Variants in GSDME observed in about 807,000 individuals in gnomAD.
GSDME encodes the protein gasdermin E, also known as gasdermin-E.
GSDME carries 44 observed loss-of-function variants against 47.5 expected under a neutral mutation model. The observed-to-expected ratio is 0.93, with a 90% CI of 0.73 to 1.19. The LOEUF is 1.19. Ranked by LOEUF, GSDME falls within the 50% of genes most tolerant of loss-of-function variation. The pLI is 0.00. For synonymous variants in GSDME, 258 were observed against 252.8 expected (o/e 1.02, Z -0.20); for missense variants, 663 against 604.2 (o/e 1.10, Z -1.02).
At position 24,706,344 on chromosome 7, in the gene GSDME, T is replaced by G; in HGVS notation, c.1023A>C (p.Thr341=). The change falls in exon 8 of 10, where the codon ACA becomes ACC. Residue 341 remains threonine, a synonymous_variant. Coordinates refer to ENST00000645220, the MANE Select transcript of GSDME (RefSeq NM_001127453.2). ...GCTTCAGCTCCCCCAGCACCGCCACTGTGGGCGAGAGGCCGCTGACCAGGT... is the reference window on the plus strand; with the variant it reads ...GCTTCAGCTCCCCCAGCACCGCCACGGTGGGCGAGAGGCCGCTGACCAGGT... ...CDDLVSGLSP[T]VAVLGELKPR... 2 of 1,613,302 alleles carry G rather than the reference T, an allele frequency of 1.2e-6. No homozygotes were observed. Among genetic ancestry groups the G allele is most frequent in the South Asian group, 2.2e-5 (2 of 91,044 alleles).
rs1197460375 is a variant in GSDME, at chr7:24,735,449, G to T, written c.404+9113C>A. ...ATCTTAAGCAGAAAGACAAAAAGAT[G>T]AACCAATTAAAAATAGTAACTACAG... On this transcript the variant is annotated intron_variant, in intron 3 of 9. Coordinates refer to ENST00000645220, the MANE Select transcript of GSDME (RefSeq NM_001127453.2). This position sits in a 1 kb window ranked among gnomAD's most constrained non-coding sequence, Gnocchi z 4.4. 1.3e-5 allele frequency among the ~76,000 whole-genome samples: 2 copies of T among 152,102 alleles called. No individual in the cohort carries two copies. Among genetic ancestry groups the T allele is most frequent in the Non-Finnish European group, 1.5e-5 (1 of 68,016 alleles).
At chr7:24,719,257 A>AG in intron 3 of GSDME, 39 bp from the exon 4 acceptor site, 1 of 1,594,532 alleles carries the variant, frequency 6.3e-7, no homozygotes, top group Non-Finnish European at 8.5e-7. Flanking sequence ...TTAGTGCCTC[A>AG]GGGGACATTG....
chr7:24,729,502 C>T (rs896638671), intron 3 of GSDME, among the ~76,000 whole-genome samples: 12 of 152,184 alleles, frequency 7.9e-5, no homozygotes, highest in South Asian at 2.1e-4. Context: ...GACCCTACGG[C>T]GTGGTTAGTA....
At position 24,721,347 on chromosome 7, in the gene GSDME, T is replaced by TA. The variant is rs1789777720; in HGVS notation, c.405-2130dup. Reference sequence around the variant, plus strand: ...AATTATAAAAATGTCTCACACGTGATAAAAATACATTGATGACAACCACAA... The same window carrying TA: ...AATTATAAAAATGTCTCACACGTGATAAAAAATACATTGATGACAACCACAA... On this transcript the variant is annotated intron_variant, in intron 3 of 9. Transcript: ENST00000645220. This position sits in a 1 kb window ranked among gnomAD's most constrained non-coding sequence, Gnocchi z 4.1. 2.6e-5 allele frequency among the ~76,000 whole-genome samples: 4 copies of TA among 152,182 alleles called. No homozygotes were observed. Among genetic ancestry groups the TA allele is most frequent in the African/African-American group, 9.7e-5 (4 of 41,436 alleles).
chr7:24,795,257 C>G, the GSDME span, among the ~76,000 whole-genome samples: 9 of 152,178 alleles, frequency 5.9e-5, no homozygotes, highest in African/African-American at 1.2e-4. Context: ...AGGAGTCCCC[C>G]GCAGGGATGT....
At chr7:24,717,520 T>TGG (rs1011570460) in intron 4 of GSDME, 146 bp from the exon 5 acceptor site, 61 of 1,279,782 alleles carry the variant, frequency 4.8e-5, no homozygotes, top group Non-Finnish European at 6.6e-5. Flanking sequence ...CCAGCCAGCA[T>TGG]GGGGGATGGG....
At position 24,735,614 on chromosome 7, in the gene GSDME, CGGGCGTGGTGGT is replaced by C. The variant is rs1161161745; in HGVS notation, c.404+8936_404+8947del. Among the ~76,000 whole-genome samples the C allele has an allele frequency of 2.0e-5, 3 of 151,860 alleles. No homozygotes were observed. The highest frequency in any genetic ancestry group is 4.4e-5 in the Non-Finnish European group (3 of 67,952). ...TCTACTAAAAATACAAAAAAGTAGC[CGGGCGTGGTGGT>C]GGGCGCCTGTAATCCCAACTACTCA... is the stretch of plus-strand genomic sequence containing the variant. On this transcript the variant is annotated intron_variant, in intron 3 of 9. Coordinates refer to ENST00000645220, the MANE Select transcript of GSDME (RefSeq NM_001127453.2). The surrounding 1 kb of genome is among the most constrained non-coding windows in gnomAD (Gnocchi z 4.4).
the GSDME span, among the ~76,000 whole-genome samples, chr7:24,771,068 T>C: frequency 1.3e-5 from 2 of 151,754 alleles, no homozygotes; most frequent in Admixed American, 6.6e-5. This position sits in a 1 kb window ranked among gnomAD's most constrained non-coding sequence, Gnocchi z 4.1. Context: ...CCAAGCAGGA[T>C]AAATGACAAA....
At chr7:24,765,745 C>A in the GSDME span, among the ~76,000 whole-genome samples, 1 of 152,202 alleles carries the variant, frequency 6.6e-6, no homozygotes, top group African/African-American at 2.4e-5. Flanking sequence ...CTTTTAATAG[C>A]ACCAAGTTAG....
At chr7:24,793,160 C>T in the GSDME span, among the ~76,000 whole-genome samples, 1 of 152,154 alleles carries the variant, frequency 6.6e-6, no homozygotes, top group Non-Finnish European at 1.5e-5. Flanking sequence ...ATTAATGTTA[C>T]ACTTAGTTTT....
In GSDME at chr7:24,726,020, G is replaced by A. The variant is rs1213874581; in HGVS notation, c.405-6802C>T. Among the ~76,000 whole-genome samples, 1 of 152,102 alleles carries A rather than the reference G, an allele frequency of 6.6e-6. No individual in the cohort carries two copies. The highest frequency in any genetic ancestry group is 1.5e-5 in the Non-Finnish European group (1 of 68,016). The stretch of plus-strand genomic sequence containing the variant: ...GGCTGGAAAAGGAGACCAGGCAGGA[G>A]CTGCTGGGAGGCGGCAGGCAGAGAT... On this transcript the variant is annotated intron_variant, in intron 3 of 9. Transcript: ENST00000645220. The surrounding 1 kb of genome is among the most constrained non-coding windows in gnomAD (Gnocchi z 5.6).
chr7:24,763,254 T>A, the GSDME span, among the ~76,000 whole-genome samples: 1 of 152,250 alleles, frequency 6.6e-6, no homozygotes. This position sits in a 1 kb window ranked among gnomAD's most constrained non-coding sequence, Gnocchi z 4.3. Context: ...AGAGATTTGG[T>A]TCTTGAAATA....
upstream of GSDME, among the ~76,000 whole-genome samples, chr7:24,762,868 C>T (rs1488108472): frequency 6.7e-6 from 1 of 150,122 alleles, no homozygotes; most frequent in African/African-American, 2.5e-5. Context: ...GAGGAAGAAC[C>T]ACAGTCCTCA....
rs3038356 is a variant in GSDME at position 24,744,923 on chromosome 7, C to CGTGTGTGTGTGTGTGTGT, written c.212-187_212-170dup. ...GTGTGGGCAAGAAAACAGGGCAGCA[C>CGTGTGTGTGTGTGTGTGT]GTGTGTGTGTGTGTGTGTGTGTGTG... On this transcript the variant is annotated intron_variant, in intron 2 of 9. Transcript: ENST00000645220. This position sits in a 1 kb window ranked among gnomAD's most constrained non-coding sequence, Gnocchi z 4.5. Among the ~76,000 whole-genome samples the CGTGTGTGTGTGTGTGTGT allele has an allele frequency of 2.9e-3, 410 of 140,198 alleles. 3 individuals are homozygous for CGTGTGTGTGTGTGTGTGT. Among genetic ancestry groups the CGTGTGTGTGTGTGTGTGT allele is most frequent in the African/African-American group, 0.01 (373 of 37,156 alleles). The allele number at this position is 140,198 out of a possible 152,430, so 92.0% of individuals were successfully genotyped here.
the GSDME span, among the ~76,000 whole-genome samples, chr7:24,774,721 C>T: frequency 6.6e-6 from 1 of 151,908 alleles, no homozygotes; most frequent in Non-Finnish European, 1.5e-5. Context: ...TTAGTAGAGA[C>T]GGGGTTTCAC....
chr7:24,718,884 A>T (rs1377873253), intron 4 of GSDME, among the ~76,000 whole-genome samples, 163 bp downstream of exon 4: 1 of 152,240 alleles, frequency 6.6e-6, no homozygotes, highest in Non-Finnish European at 1.5e-5. Flanking sequence ...TTTCAGCTAC[A>T]TGAGCCAATA....
At chr7:24,767,866 A>T in the GSDME span, among the ~76,000 whole-genome samples, 1 of 152,166 alleles carries the variant, frequency 6.6e-6, no homozygotes, top group Non-Finnish European at 1.5e-5. This position sits in a 1 kb window ranked among gnomAD's most constrained non-coding sequence, Gnocchi z 5.3. Flanking sequence ...GCTTTCGGGC[A>T]TGTTTGTGTA....
chr7:24,794,947 A>G, the GSDME span, among the ~76,000 whole-genome samples: 1 of 152,188 alleles, frequency 6.6e-6, no homozygotes, highest in Admixed American at 6.5e-5. Flanking sequence ...CAAATCCAGA[A>G]GTCAATACCG....
chr7:24,784,726 A>G, the GSDME span, among the ~76,000 whole-genome samples: 3 of 149,564 alleles, frequency 2.0e-5, no homozygotes, highest in African/African-American at 7.4e-5. Flanking sequence ...CTGCTGGCTA[A>G]TTTTTGTATT....
Sources: allele counts gnomAD v4.1 joint callset (sites outside exome capture counted in the v4.1 genomes callset), GRCh38; gene constraint gnomAD v4.1.1; non-coding constraint Gnocchi (gnomAD v3.1); transcripts MANE v1.5; gene names NCBI Gene and HGNC (gene_info 2026-07-23, HGNC 2026-07-21).